HDAC9: variants seen among roughly 807,000 people sequenced by gnomAD.
HDAC9 encodes the protein MEF-2 interacting transcription repressor (MITR) protein.
In HDAC9, 41 loss-of-function variants were observed where a neutral mutation model predicts 139.4. That is an observed-to-expected ratio of 0.29 (90% CI 0.23 to 0.38). The LOEUF is 0.38. Ranked by LOEUF, HDAC9 falls within the 10% of genes least tolerant of loss-of-function variation. HDAC9 has a pLI of 1.00. For missense variants in HDAC9, 1,147 were observed against 1,297.0 expected (o/e 0.88, Z 1.78); for synonymous variants, 517 against 476.2 (o/e 1.09, Z -1.12).
intron 2 of HDAC9, among the ~76,000 whole-genome samples, chr7:18,562,920 C>T (rs1583421879): frequency 3.3e-5 from 5 of 151,932 alleles, no homozygotes; most frequent in Admixed American, 3.3e-4. Flanking sequence ...CTTTAATTTC[C>T]TTCCATACAG....
At chr7:18,306,267 A>G (rs1268954842) in intron 1 of HDAC9, among the ~76,000 whole-genome samples, 1 of 152,134 alleles carries the variant, frequency 6.6e-6, no homozygotes, top group South Asian at 2.1e-4. Flanking sequence ...GACTCAGACT[A>G]TGGGTGGGGA....
intron 2 of HDAC9, among the ~76,000 whole-genome samples, chr7:18,190,725 A>G (rs1790290513): frequency 1.3e-5 from 2 of 152,130 alleles, no homozygotes. Flanking sequence ...TATTTTCCCA[A>G]TTTTCACTCT....
chr7:18,439,498 C>G (rs1418020976), intron 1 of HDAC9, among the ~76,000 whole-genome samples: 1 of 152,124 alleles, frequency 6.6e-6, no homozygotes, highest in Non-Finnish European at 1.5e-5. Context: ...ATCAGGTTCC[C>G]AACATCCTGT....
At chr7:18,902,393 G>T (rs1160503381) in intron 22 of HDAC9, among the ~76,000 whole-genome samples, 2 of 152,152 alleles carry the variant, frequency 1.3e-5, no homozygotes, top group African/African-American at 4.8e-5. Context: ...GGCTCCAGAA[G>T]ATTGCTTTTA....
At chr7:18,264,767 T>TGTCA (rs1383521523) in intron 2 of HDAC9, among the ~76,000 whole-genome samples, 2 of 152,358 alleles carry the variant, frequency 1.3e-5, no homozygotes, top group East Asian at 3.9e-4. Context: ...ATCTATCTTA[T>TGTCA]TGACATCTCA....
intron 12 of HDAC9, among the ~76,000 whole-genome samples, chr7:18,706,866 T>C (rs1447704376): frequency 6.6e-6 from 1 of 152,116 alleles, no homozygotes; most frequent in Non-Finnish European, 1.5e-5. Context: ...GATGTATGCC[T>C]TGATAGAGTT....
chr7:18,389,136 CTTG>C (rs1454090047), intron 1 of HDAC9, among the ~76,000 whole-genome samples: 1 of 152,126 alleles, frequency 6.6e-6, no homozygotes, highest in Non-Finnish European at 1.5e-5. Context: ...AGTATTCCAG[CTTG>C]TTTTGTCTGT....
At chr7:18,249,502 C>CAAAAAAAAA (rs3058733) in intron 2 of HDAC9, among the ~76,000 whole-genome samples, 9 of 58,560 alleles carry the variant, frequency 1.5e-4, no homozygotes, top group Admixed American at 2.6e-4. Context: ...GACTCTGTCT[C>CAAAAAAAAA]AAAAAAAAAA....
intron 1 of HDAC9, among the ~76,000 whole-genome samples, chr7:18,356,750 C>T (rs1783339945): frequency 6.6e-6 from 1 of 151,660 alleles, no homozygotes; most frequent in Non-Finnish European, 1.5e-5. Context: ...GAATTCCTGA[C>T]ACAAGTTCTT....
chr7:18,977,923 C>G lies in HDAC9; in HGVS notation c.3170+1970C>G, dbSNP rs2965028. Reference sequence around the variant, plus strand: ...TTCCTCAGAGACAGACAGACAGACACACACACACACACACACACACACACA... The same window carrying G: ...TTCCTCAGAGACAGACAGACAGACAGACACACACACACACACACACACACA... On this transcript the variant is annotated intron_variant, in intron 25 of 25. Transcript: ENST00000686413. 2.3e-4 allele frequency among the ~76,000 whole-genome samples: 11 copies of G among 47,204 alleles called. No homozygotes were observed. In the South Asian group the frequency reaches 3.8e-3, roughly 16 times the overall value. The allele number at this position is 47,204 out of a possible 152,430, so 31.0% of individuals were successfully genotyped here.
intron 12 of HDAC9, among the ~76,000 whole-genome samples, chr7:18,706,630 T>A (rs1584883855): frequency 6.6e-6 from 1 of 152,318 alleles, no homozygotes; most frequent in East Asian, 1.9e-4. Flanking sequence ...GACTTTGTCC[T>A]GAGAGACATC....
intron 25 of HDAC9, among the ~76,000 whole-genome samples, chr7:18,989,224 GCA>G (rs1785648115): frequency 6.7e-6 from 1 of 148,376 alleles, no homozygotes; most frequent in African/African-American, 2.5e-5. Flanking sequence ...TCCATGTTTA[GCA>G]CTTCCTTCAG....
chr7:18,499,276 A>G (rs1045244410), intron 2 of HDAC9, among the ~76,000 whole-genome samples: 9 of 152,084 alleles, frequency 5.9e-5, no homozygotes, highest in African/African-American at 2.2e-4. Context: ...TATATTGGAT[A>G]TTATGCACTA....
intron 24 of HDAC9, among the ~76,000 whole-genome samples, chr7:18,972,369 C>CTTTTTTTTTTT (rs199909134): frequency 3.2e-5 from 3 of 94,898 alleles, no homozygotes; most frequent in African/African-American, 1.1e-4. Flanking sequence ...ATGAACTTCT[C>CTTTTTTTTTTT]TTTTTTTTTT....
At chr7:18,839,056 TATC>T (rs1311952130) in intron 21 of HDAC9, among the ~76,000 whole-genome samples, 3 of 152,038 alleles carry the variant, frequency 2.0e-5, no homozygotes, top group African/African-American at 7.2e-5. Context: ...TCCAAGCAGT[TATC>T]ATTCATCTCT....
intron 1 of HDAC9, among the ~76,000 whole-genome samples, chr7:18,461,548 T>C (rs995327922): frequency 3.3e-5 from 5 of 152,186 alleles, no homozygotes; most frequent in African/African-American, 1.2e-4. Flanking sequence ...TTATGCTCTC[T>C]AATAATACAA....
intron 1 of HDAC9, among the ~76,000 whole-genome samples, chr7:18,318,348 T>G (rs576858113): frequency 5.9e-5 from 9 of 152,240 alleles, no homozygotes; most frequent in African/African-American, 1.9e-4. Context: ...CCTTTCCATC[T>G]TGGTGATCAG....
At chr7:18,293,614 T>C (rs1336457069) in intron 1 of HDAC9, among the ~76,000 whole-genome samples, 8 of 152,110 alleles carry the variant, frequency 5.3e-5, no homozygotes, top group Admixed American at 2.6e-4. Context: ...TCTTTTTGTC[T>C]CTAATGTCTT....
intron 21 of HDAC9, among the ~76,000 whole-genome samples, chr7:18,840,399 G>C (rs1174890058): frequency 6.6e-6 from 1 of 152,038 alleles, no homozygotes; most frequent in Non-Finnish European, 1.5e-5. Flanking sequence ...GGAAAACTCT[G>C]ACCCAGAAGG....
Sources: allele counts gnomAD v4.1 joint callset (sites outside exome capture counted in the v4.1 genomes callset), GRCh38; gene constraint gnomAD v4.1.1; transcripts MANE v1.5; gene names NCBI Gene and HGNC (gene_info 2026-07-23, HGNC 2026-07-21).